The following SBNO1 variants were observed in gnomAD, a reference collection of about 807,000 sequenced individuals.
SBNO1 encodes protein strawberry notch homolog 1.
SBNO1 carries 23 observed loss-of-function variants against 173.6 expected under a neutral mutation model. The ratio of observed to expected loss-of-function variants is 0.13; its 90% CI spans 0.10 to 0.19. The LOEUF (loss-of-function observed/expected upper bound fraction) is 0.19. Among genes scored for constraint, SBNO1 ranks in the 10% least tolerant of loss-of-function variants. The probability of loss-of-function intolerance (pLI) is 1.00; values close to 1 mark genes in which losing one functional copy is unlikely to be tolerated. For synonymous variants in SBNO1, 632 were observed against 571.5 expected (o/e 1.11, Z -1.51); for missense variants, 1,238 against 1,671.2 (o/e 0.74, Z 4.52).
At chr12:123,356,307 A>ACT (rs1874452973) in intron 1 of SBNO1, among the ~76,000 whole-genome samples, 4 of 152,384 alleles carry the variant, frequency 2.6e-5, no homozygotes, top group African/African-American at 9.6e-5. Context: ...AGCTACTATC[A>ACT]TTTATATATA....
At chr12:123,300,978 AACAAAAAAAAAAC>A (rs926392886) in intron 30 of SBNO1, among the ~76,000 whole-genome samples, 7 of 149,756 alleles carry the variant, frequency 4.7e-5, no homozygotes, top group African/African-American at 1.7e-4. Context: ...AACAAAAAAA[AACAAAAAAAAAAC>A]CCAAGTTAGT....
Position 123,350,375 on chromosome 12 carries a change from G to A in SBNO1, c.67C>T (p.Leu23Phe). The change falls in exon 2 of 32, where the codon CTC (leucine) becomes TTC (phenylalanine). Residue 23 changes from leucine (L) to phenylalanine (F), a missense_variant. Leu to Phe is a conservative substitution (Grantham distance 22). This residue lies in a region of SBNO1 where 287 missense variants were observed against 274.1 expected (regional missense o/e 1.05). Coordinates refer to ENST00000602398, the MANE Select transcript of SBNO1 (RefSeq NM_001167856.3). ...LSESGISPND[L>F]FDIDGGDAGL... ...GCATCTCCACCATCAATATCAAAGA[G>A]GTCATTCGGACTAATTCCACTCTCA... is the stretch of plus-strand genomic sequence containing the variant. The A allele has an allele frequency of 6.2e-7, 1 of 1,614,058 alleles. No individual in the cohort carries two copies. Among genetic ancestry groups the A allele is most frequent in the Non-Finnish European group, 8.5e-7 (1 of 1,179,922 alleles).
At chr12:123,364,412 GC>G in intron 1 of SBNO1, 4 of 985,518 alleles carry the variant, frequency 4.1e-6, no homozygotes, top group Non-Finnish European at 4.8e-6. Flanking sequence ...GGTGCCTCCG[GC>G]CCGGGACAGC....
intron 1 of SBNO1, among the ~76,000 whole-genome samples, chr12:123,357,842 C>T (rs1370550779): frequency 2.0e-5 from 3 of 152,206 alleles, no homozygotes; most frequent in African/African-American, 7.2e-5. Context: ...AAGTAACCCC[C>T]ACTGCAAAAC....
chr12:123,363,492 C>T (rs1021978752), intron 1 of SBNO1, among the ~76,000 whole-genome samples: 1 of 152,146 alleles, frequency 6.6e-6, no homozygotes, highest in African/African-American at 2.4e-5. Flanking sequence ...CATATTCCAT[C>T]CCTAATTCTG....
At chr12:123,350,525 A>C in intron 1 of SBNO1, 84 bp from the exon 2 acceptor site, 1 of 1,080,200 alleles carries the variant, frequency 9.3e-7, no homozygotes, top group Non-Finnish European at 1.4e-6. Flanking sequence ...CAATCCAACA[A>C]TCTCTATTAG....
At chr12:123,330,733 C>T (rs1405298791) in intron 8 of SBNO1, among the ~76,000 whole-genome samples, 1 of 151,850 alleles carries the variant, frequency 6.6e-6, no homozygotes, top group African/African-American at 2.4e-5. Context: ...CCCAGGAGTT[C>T]GAGACCAGCC....
At chr12:123,359,554 C>CAAAAAAACTCA (rs1555253051) in intron 1 of SBNO1, among the ~76,000 whole-genome samples, 34 of 136,934 alleles carry the variant, frequency 2.5e-4, no homozygotes, top group Non-Finnish European at 5.3e-4. Flanking sequence ...GACTCCGTCT[C>CAAAAAAACTCA]AAAAAAAAAA....
In SBNO1 at chr12:123,364,773, A is replaced by AGCGGAGGCG. The variant is rs753563865; in HGVS notation, c.-82_-74dup. 12 of 988,480 alleles carry AGCGGAGGCG rather than the reference A, an allele frequency of 1.2e-5. No homozygotes were observed. The highest frequency in any genetic ancestry group is 1.1e-4 in the East Asian group (1 of 8,916). The allele number at this position is 988,480 out of a possible 1,614,324, so 61.2% of individuals were successfully genotyped here. A position where few individuals can be genotyped will look rare whatever the true frequency, so the allele number is the denominator to read the frequency against. On this transcript the variant is annotated 5_prime_UTR_variant, in exon 1 of 32. Coordinates refer to ENST00000602398, the MANE Select transcript of SBNO1 (RefSeq NM_001167856.3). ...AGTTTGAAGGACCAGAGGCGACTGG[A>AGCGGAGGCG]GCGGAGGCGGCGGTGGCGGCGGCAG...
At chr12:123,309,173 A>C (rs2048995123) in intron 28 of SBNO1, 137 bp downstream of exon 28, 8 of 657,028 alleles carry the variant, frequency 1.2e-5, no homozygotes, top group Non-Finnish European at 2.2e-5. Flanking sequence ...GGACAAACAC[A>C]CAATTACAAT....
intron 30 of SBNO1, among the ~76,000 whole-genome samples, chr12:123,299,329 C>G (rs1251826664): frequency 3.3e-5 from 5 of 150,090 alleles, no homozygotes; most frequent in Non-Finnish European, 7.4e-5. Flanking sequence ...GATCGTGCCA[C>G]TGCACTCCAG....
chr12:123,304,547 T>C, intron 29 of SBNO1, 35 bp downstream of exon 29: 2 of 1,445,116 alleles, frequency 1.4e-6, no homozygotes, highest in South Asian at 1.2e-5. Context: ...AAAGTAAGTA[T>C]TCCTATATAA....
chr12:123,352,687 A>C (rs1874019743), intron 1 of SBNO1, among the ~76,000 whole-genome samples: 1 of 152,246 alleles, frequency 6.6e-6, no homozygotes, highest in Non-Finnish European at 1.5e-5. Context: ...TTTGTGTATC[A>C]TTTAGACAGA....
At chr12:123,346,650 C>T (rs1310451639) in intron 3 of SBNO1, among the ~76,000 whole-genome samples, 2 of 151,746 alleles carry the variant, frequency 1.3e-5, no homozygotes, top group Non-Finnish European at 2.9e-5. Flanking sequence ...GGCGACAGAG[C>T]GAGACTCCAT....
intron 1 of SBNO1, among the ~76,000 whole-genome samples, chr12:123,358,029 C>T (rs939720011): frequency 6.6e-6 from 1 of 152,268 alleles, no homozygotes; most frequent in South Asian, 2.1e-4. Context: ...CTGAGTTTCC[C>T]GTATCTGAAA....
intron 28 of SBNO1, among the ~76,000 whole-genome samples, chr12:123,308,478 G>A (rs182088535): frequency 5.5e-4 from 84 of 151,840 alleles, no homozygotes; most frequent in African/African-American, 1.9e-3. Context: ...AGACCATCTT[G>A]GCTAACACGG....
chr12:123,324,188 T>C (rs547619359), intron 15 of SBNO1, among the ~76,000 whole-genome samples: 82 of 151,680 alleles, frequency 5.4e-4, no homozygotes, highest in African/African-American at 1.9e-3. Context: ...ACACATATAA[T>C]AACATCTCAA....
At chr12:123,359,048 T>C (rs188640950) in intron 1 of SBNO1, among the ~76,000 whole-genome samples, 372 of 151,644 alleles carry the variant, frequency 2.5e-3, no homozygotes, top group Middle Eastern at 0.014. Context: ...TTCTCCTGCC[T>C]CAGCCTCCCC....
intron 21 of SBNO1, among the ~76,000 whole-genome samples, chr12:123,315,880 C>A (rs972280567): frequency 6.6e-6 from 1 of 152,168 alleles, no homozygotes; most frequent in Non-Finnish European, 1.5e-5. Flanking sequence ...GTTACTGATG[C>A]ACAATTACTC....
Sources: gnomAD v4.1 joint callset for allele counts (sites outside exome capture counted in the v4.1 genomes callset) on GRCh38, gnomAD v4.1.1 for gene constraint, gnomAD v4.1.1 regional missense constraint, MANE v1.5 for transcripts, NCBI Gene and HGNC (gene_info 2026-07-23, HGNC 2026-07-21) for gene names.